The following PTPRT variants were observed in gnomAD, a reference collection of about 807,000 sequenced individuals.
PTPRT encodes protein tyrosine phosphatase receptor type T, also known as receptor-type tyrosine-protein phosphatase T.
A neutral mutation model predicts 176.8 loss-of-function variants in PTPRT; 56 were observed. The ratio of observed to expected loss-of-function variants is 0.32; its 90% CI spans 0.26 to 0.40. PTPRT has a LOEUF of 0.40. Among genes scored for constraint, PTPRT ranks in the 10% least tolerant of loss-of-function variants. PTPRT has a pLI of 1.00. For missense variants in PTPRT, 1,540 were observed against 1,908.2 expected (o/e 0.81, Z 3.60); for synonymous variants, 783 against 739.0 (o/e 1.06, Z -0.96).
At chr20:42,646,882 CTTTTTTTTTTTTTTTTT>C (rs1161994908) in intron 7 of PTPRT, among the ~76,000 whole-genome samples, 5 of 76,284 alleles carry the variant, frequency 6.6e-5, no homozygotes, top group South Asian at 5.0e-4. Flanking sequence ...CTAAGACAGC[CTTTTTTTTTTTTTTTTT>C]TTTTTTTTTT....
chr20:42,263,079 C>T (rs991123713), intron 13 of PTPRT, among the ~76,000 whole-genome samples: 5 of 152,064 alleles, frequency 3.3e-5, no homozygotes, highest in African/African-American at 4.8e-5. Context: ...TTACAGGATG[C>T]TGAGGAGGAA....
At chr20:42,956,643 G>A in intron 1 of PTPRT, among the ~76,000 whole-genome samples, 1 of 151,994 alleles carries the variant, frequency 6.6e-6, no homozygotes, top group East Asian at 1.9e-4. Context: ...ATGCAAGAAT[G>A]GCCTAACACA....
At chr20:42,488,943 T>G (rs1361253232) in intron 7 of PTPRT, among the ~76,000 whole-genome samples, 1 of 119,466 alleles carries the variant, frequency 8.4e-6, no homozygotes, top group Non-Finnish European at 1.6e-5. Flanking sequence ...GGAGCAAAAC[T>G]CTGTCTCAAA....
chr20:43,010,757 C>A (rs2146150326), intron 1 of PTPRT, among the ~76,000 whole-genome samples: 1 of 152,040 alleles, frequency 6.6e-6, no homozygotes. Flanking sequence ...AAAAGGCACC[C>A]TTCAAGATTA....
At chr20:42,698,456 A>T (rs2146148228) in intron 6 of PTPRT, among the ~76,000 whole-genome samples, 1 of 152,302 alleles carries the variant, frequency 6.6e-6, no homozygotes, top group Non-Finnish European at 1.5e-5. Flanking sequence ...ACTAAGGTCC[A>T]AGTACTGCTT....
At chr20:42,843,029 T>A (rs1458475058) in intron 2 of PTPRT, among the ~76,000 whole-genome samples, 1 of 152,170 alleles carries the variant, frequency 6.6e-6, no homozygotes, top group Non-Finnish European at 1.5e-5. Flanking sequence ...ACCCATCTAG[T>A]CAGGCCTAGT....
intron 17 of PTPRT, among the ~76,000 whole-genome samples, chr20:42,157,288 A>C (rs748774724): frequency 3.3e-5 from 5 of 151,060 alleles, no homozygotes; most frequent in African/African-American, 4.9e-5. Flanking sequence ...TCCTTGCTCT[A>C]TTCTTTCTTT....
Position 42,270,459 on chromosome 20 carries a change from C to T in PTPRT, c.2176+12030G>A, listed in dbSNP as rs889375132. On this transcript the variant is annotated intron_variant, in intron 13 of 30. Transcript: ENST00000373187. ...CTGGGCGCTGCCCATTGGTGCTGAC[C>T]ACAAGGAAGCCAGTCCCCAGGCAGC... The T allele has an allele frequency of 1.9e-6, 3 of 1,551,200 alleles. No homozygotes were observed. The African/African-American group carries it at 4.1e-5, about 21-fold the overall frequency.
intron 6 of PTPRT, among the ~76,000 whole-genome samples, chr20:42,748,900 C>T (rs1018505822): frequency 7.2e-5 from 11 of 152,164 alleles, no homozygotes; most frequent in African/African-American, 2.7e-4. Flanking sequence ...CAGTTACTCA[C>T]TTGAGAATGT....
chr20:42,964,734 A>C (rs1262613452), intron 1 of PTPRT, among the ~76,000 whole-genome samples: 1 of 152,210 alleles, frequency 6.6e-6, no homozygotes, highest in Non-Finnish European at 1.5e-5. Context: ...TTAAAATAAC[A>C]ATAAGGCCAC....
Position 42,084,832 on chromosome 20 carries a change from T to A in PTPRT, c.3986A>T (p.Tyr1329Phe), listed in dbSNP as rs1568910321. 2.1e-6 allele frequency: 3 copies of A among 1,451,966 alleles called. No individual in the cohort carries two copies. The highest frequency in any genetic ancestry group is 2.8e-6 in the Non-Finnish European group (3 of 1,086,892). The allele number at this position is 1,451,966 out of a possible 1,614,324, so 89.9% of individuals were successfully genotyped here. The stretch of plus-strand genomic sequence containing the variant: ...GTACTGGAGGTGCTGGACTATACGA[T>A]AACCATCCTGTGGCTGAGAACAGAG... ...ICNMARPQDG[Y>F]RIVQHLQYIG... is the part of the protein sequence containing the mutation. The change falls in exon 29 of 31, where the codon TAT (tyrosine) becomes TTT (phenylalanine). Residue 1329 changes from tyrosine (Y) to phenylalanine (F), a missense_variant. Coordinates refer to ENST00000373187, the MANE Select transcript of PTPRT (RefSeq NM_007050.6).
At chr20:42,387,429 A>C (rs887031944) in intron 9 of PTPRT, among the ~76,000 whole-genome samples, 1 of 152,230 alleles carries the variant, frequency 6.6e-6, no homozygotes, top group Non-Finnish European at 1.5e-5. Context: ...TTTTGTTTAA[A>C]GGGGCAGCAA....
chr20:43,126,463 A>G (rs2013444391), intron 1 of PTPRT, among the ~76,000 whole-genome samples: 1 of 152,212 alleles, frequency 6.6e-6, no homozygotes, highest in African/African-American at 2.4e-5. Flanking sequence ...TGTAAAATGC[A>G]CTTGCCCACT....
In PTPRT at chr20:43,021,125, C is replaced by T. The variant is rs77039110; in HGVS notation, c.89-135193G>A. ...ATGTGTATCCTCCCTAAAAAATCAACAATTAAATAAAGAAATTAAGAATAC... is the reference window on the plus strand; with the variant it reads ...ATGTGTATCCTCCCTAAAAAATCAATAATTAAATAAAGAAATTAAGAATAC... On this transcript the variant is annotated intron_variant, in intron 1 of 30. Transcript: ENST00000373187. Among the ~76,000 whole-genome samples, 1,519 of 152,178 alleles carry T rather than the reference C, an allele frequency of 1.0e-2. 35 individuals carry two copies. Among genetic ancestry groups the T allele is most frequent in the African/African-American group, 0.034 (1,424 of 41,520 alleles).
At chr20:42,751,831 G>A (rs1407060588) in intron 6 of PTPRT, among the ~76,000 whole-genome samples, 1 of 152,088 alleles carries the variant, frequency 6.6e-6, no homozygotes, top group Non-Finnish European at 1.5e-5. Flanking sequence ...TTCAGGTTTT[G>A]GAACTCTAAC....
chr20:42,453,929 C>T (rs1459469230), intron 8 of PTPRT, among the ~76,000 whole-genome samples: 1 of 151,694 alleles, frequency 6.6e-6, no homozygotes, highest in Non-Finnish European at 1.5e-5. Context: ...GAACTCTTGA[C>T]CTCAGGTGAT....
chr20:42,369,337 C>T (rs772838541), intron 9 of PTPRT, among the ~76,000 whole-genome samples: 3 of 152,096 alleles, frequency 2.0e-5, no homozygotes, highest in Non-Finnish European at 2.9e-5. Context: ...ACTCATGAAC[C>T]GTGAGAGCAC....
In PTPRT at chr20:43,189,638, G is replaced by A. The variant is rs1362177186; in HGVS notation, c.88+8C>T. On this transcript the variant is annotated splice_region_variant and intron_variant, in intron 1 of 30. Transcript: ENST00000373187. The surrounding 1 kb of genome is among the most constrained non-coding windows in gnomAD (Gnocchi z 5.0). ...GGGAGCCCAGGGGAGCCGGGCGGGC[G>A]CACTCACCTGCGGCGCTCTGAGCCC... The A allele has an allele frequency of 2.4e-6, 3 of 1,253,774 alleles. No homozygotes were observed. Among genetic ancestry groups the A allele is most frequent in the Non-Finnish European group, 2.0e-6 (2 of 999,408 alleles). The allele number at this position is 1,253,774 out of a possible 1,614,324, so 77.7% of individuals were successfully genotyped here.
At chr20:42,689,968 G>A (rs2075765953) in intron 6 of PTPRT, among the ~76,000 whole-genome samples, 1 of 152,098 alleles carries the variant, frequency 6.6e-6, no homozygotes, top group Admixed American at 6.5e-5. Flanking sequence ...ATTGGTTACA[G>A]CAGCAATCAA....
Sources: allele counts gnomAD v4.1 joint callset (sites outside exome capture counted in the v4.1 genomes callset), GRCh38; gene constraint gnomAD v4.1.1; non-coding constraint Gnocchi (gnomAD v3.1); transcripts MANE v1.5; gene names NCBI Gene and HGNC (gene_info 2026-07-23, HGNC 2026-07-21).